Variants in CACNG2 observed in about 807,000 individuals in gnomAD.
CACNG2 encodes voltage-dependent calcium channel gamma-2 subunit.
A neutral mutation model predicts 25.9 loss-of-function variants in CACNG2; 3 were observed. The observed-to-expected ratio is 0.12, with a 90% CI of 0.05 to 0.30. The LOEUF (loss-of-function observed/expected upper bound fraction) is 0.30. Among genes scored for constraint, CACNG2 ranks in the 10% least tolerant of loss-of-function variants. CACNG2 has a pLI of 1.00. For missense variants in CACNG2, 341 were observed against 432.5 expected, an observed-to-expected ratio of 0.79 and a Z score of 1.88; for synonymous variants, 167 against 173.3, an observed-to-expected ratio of 0.96 and a Z score of 0.29.
chr22:36,637,148 G>C lies in CACNG2; in HGVS notation c.212-49600C>G, dbSNP rs550490432. Among the ~76,000 whole-genome samples, 32 of 152,364 alleles carry C rather than the reference G, an allele frequency of 2.1e-4. No homozygotes were observed. In the South Asian group the frequency reaches 6.4e-3, roughly 31 times the overall value. On this transcript the variant is annotated intron_variant, in intron 1 of 3. Coordinates refer to ENST00000300105, the MANE Select transcript of CACNG2 (RefSeq NM_006078.5). ...GGGCCTTTGTCTTGGGAAGTGGCCT[G>C]GGTGGCCTTAAGACTGCATTTACTT...
chr22:36,702,878 C>G lies in CACNG2; in HGVS notation c.-302G>C. 3.8e-6 allele frequency: 1 copy of G among 260,214 alleles called. No homozygotes were observed. Among genetic ancestry groups the G allele is most frequent in the Admixed American group, 5.2e-5 (1 of 19,132 alleles). The allele number at this position is 260,214 out of a possible 1,614,324, so 16.1% of individuals were successfully genotyped here. ...AAAGGAAAAAAAAAATAAAAAGACA[C>G]CCCCCACCCCCCCAAGTGAGATGCC... On this transcript the variant is annotated 5_prime_UTR_variant, in exon 1 of 4. Transcript: ENST00000300105.
At chr22:36,662,576 A>G (rs1936814839) in intron 1 of CACNG2, among the ~76,000 whole-genome samples, 1 of 152,088 alleles carries the variant, frequency 6.6e-6, no homozygotes, top group African/African-American at 2.4e-5. Context: ...TGCCTGACTC[A>G]GCTGTGTGTG....
intron 1 of CACNG2, among the ~76,000 whole-genome samples, chr22:36,622,563 G>A (rs995355462): frequency 2.0e-5 from 3 of 152,190 alleles, no homozygotes; most frequent in Admixed American, 2.0e-4. Flanking sequence ...AAATATGCCG[G>A]GTGAAGGCAG....
At chr22:36,656,726 A>C (rs1646662939) in intron 1 of CACNG2, among the ~76,000 whole-genome samples, 2 of 152,150 alleles carry the variant, frequency 1.3e-5, no homozygotes, top group South Asian at 4.1e-4. Flanking sequence ...TGCACCCAGC[A>C]CGTTCCTGTT....
chr22:36,570,041 G>C (rs1025910865), intron 2 of CACNG2, among the ~76,000 whole-genome samples: 10 of 152,200 alleles, frequency 6.6e-5, no homozygotes, highest in Non-Finnish European at 4.4e-5. Flanking sequence ...CTACCCACAG[G>C]ATGCCTGCAG....
chr22:36,579,404 C>CAAAAAAAAAA (rs34224180), intron 2 of CACNG2, among the ~76,000 whole-genome samples: 1 of 47,178 alleles, frequency 2.1e-5, no homozygotes, highest in Non-Finnish European at 3.5e-5. Flanking sequence ...AACTCTGTCT[C>CAAAAAAAAAA]AAAAAAAAAA....
chr22:36,657,495 G>A (rs913633875), intron 1 of CACNG2, among the ~76,000 whole-genome samples: 2 of 152,112 alleles, frequency 1.3e-5, no homozygotes, highest in Non-Finnish European at 2.9e-5. Context: ...AGGTGTGCAC[G>A]TTGCTCCAGG....
chr22:36,693,887 A>G (rs1937298069), intron 1 of CACNG2, among the ~76,000 whole-genome samples: 1 of 152,050 alleles, frequency 6.6e-6, no homozygotes, highest in Non-Finnish European at 1.5e-5. Context: ...TGCAGTTATC[A>G]TTGTCTGTTC....
In CACNG2 at chr22:36,562,954, T is replaced by G. The variant is rs189115071; in HGVS notation, c.*1397A>C. On this transcript the variant is annotated 3_prime_UTR_variant, in exon 4 of 4. Transcript: ENST00000300105. Reference sequence around the variant, plus strand: ...GATTTGTATATTCGTTTTCTGTTTTTTTTTTCTTTACAAGTTCCCTGCTAA... The same window carrying G: ...GATTTGTATATTCGTTTTCTGTTTTGTTTTTCTTTACAAGTTCCCTGCTAA... The G allele has an allele frequency of 3.9e-5, 6 of 152,064 alleles. No individual in the cohort carries two copies. The East Asian group carries it at 1.2e-3, about 29-fold the overall frequency. The allele number at this position is 152,064 out of a possible 1,614,324, so 9.4% of individuals were successfully genotyped here.
At chr22:36,677,001 CT>C (rs1298955993) in intron 1 of CACNG2, among the ~76,000 whole-genome samples, 1 of 147,920 alleles carries the variant, frequency 6.8e-6, no homozygotes, top group Non-Finnish European at 1.5e-5. Context: ...GCAAATTCAT[CT>C]GAAATTGCAG....
At chr22:36,570,081 A>T (rs1275735748) in intron 2 of CACNG2, among the ~76,000 whole-genome samples, 1 of 152,188 alleles carries the variant, frequency 6.6e-6, no homozygotes, top group Admixed American at 6.5e-5. Flanking sequence ...CCTCACAGCA[A>T]ATGGACTCAC....
chr22:36,611,145 T>G (rs190767014), intron 1 of CACNG2, among the ~76,000 whole-genome samples: 40 of 152,174 alleles, frequency 2.6e-4, no homozygotes, highest in African/African-American at 8.4e-4. Flanking sequence ...TTAAGGGTGT[T>G]GTGTGTGGGG....
At chr22:36,685,732 G>A (rs13055298) in intron 1 of CACNG2, among the ~76,000 whole-genome samples, 2 of 152,256 alleles carry the variant, frequency 1.3e-5, no homozygotes, top group Non-Finnish European at 2.9e-5. Context: ...AAGGCGGGGA[G>A]AGCCGCCTAC....
intron 2 of CACNG2, among the ~76,000 whole-genome samples, chr22:36,574,158 C>G (rs1569017135): frequency 6.6e-6 from 1 of 152,010 alleles, no homozygotes; most frequent in Non-Finnish European, 1.5e-5. Context: ...GGGCTTAGAA[C>G]AGGCAGGGCT....
chr22:36,700,330 C>T (rs1043700449), intron 1 of CACNG2, among the ~76,000 whole-genome samples: 26 of 152,336 alleles, frequency 1.7e-4, no homozygotes, highest in African/African-American at 6.3e-4. Flanking sequence ...ACAAAGCTAC[C>T]TCTAGTCTGT....
intron 1 of CACNG2, among the ~76,000 whole-genome samples, chr22:36,601,642 G>C (rs1040249117): frequency 6.6e-6 from 1 of 151,986 alleles, no homozygotes. Flanking sequence ...CTGCCACTAC[G>C]CCTGGCTAAT....
chr22:36,592,659 G>C (rs1029757929), intron 1 of CACNG2, among the ~76,000 whole-genome samples: 2 of 152,144 alleles, frequency 1.3e-5, no homozygotes, highest in Non-Finnish European at 2.9e-5. Context: ...AGAAATGAGT[G>C]GTGTGATCTT....
At chr22:36,640,702 G>T (rs909235089) in intron 1 of CACNG2, among the ~76,000 whole-genome samples, 2 of 152,170 alleles carry the variant, frequency 1.3e-5, no homozygotes, top group African/African-American at 2.4e-5. Context: ...GGGCCTCTTT[G>T]TTTCCGCGCT....
Position 36,564,905 on chromosome 22 carries a change from C to T in CACNG2, c.437-19G>A. 1 of 1,604,100 alleles carries T rather than the reference C, an allele frequency of 6.2e-7. No homozygotes were observed. The highest frequency in any genetic ancestry group is 8.5e-7 in the Non-Finnish European group (1 of 1,177,010). On this transcript the variant is annotated intron_variant, in intron 3 of 3. Coordinates refer to ENST00000300105, the MANE Select transcript of CACNG2 (RefSeq NM_006078.5). The surrounding 1 kb of genome is among the most constrained non-coding windows in gnomAD (Gnocchi z 6.7). ...CTCAGACCTGCGGGGCGCAGGGTGG[C>T]GGGGTGGGGGATCAGAGAGAAGGAC...
Sources: gnomAD v4.1 joint callset for allele counts (sites outside exome capture counted in the v4.1 genomes callset) on GRCh38, gnomAD v4.1.1 for gene constraint, Gnocchi (gnomAD v3.1) non-coding constraint, MANE v1.5 for transcripts, NCBI Gene and HGNC (gene_info 2026-07-23, HGNC 2026-07-21) for gene names.